GPD2: variants seen among roughly 807,000 people sequenced by gnomAD.
The protein encoded by GPD2 is glycerol-3-phosphate dehydrogenase 2, also known as glycerol-3-phosphate dehydrogenase, mitochondrial.
GPD2 carries 54 observed loss-of-function variants against 82.4 expected under a neutral mutation model. That is an observed-to-expected ratio of 0.66 (90% CI 0.53 to 0.82). The LOEUF is 0.82. Ranked by LOEUF, GPD2 falls within the 40% of genes least tolerant of loss-of-function variation. The pLI is 0.00. For synonymous variants in GPD2, 288 were observed against 306.1 expected (o/e 0.94, Z 0.62); for missense variants, 748 against 896.2 (o/e 0.83, Z 2.11).
At chr2:156,454,474 A>G (rs888032607) in intron 1 of GPD2, among the ~76,000 whole-genome samples, 1 of 145,308 alleles carries the variant, frequency 6.9e-6, no homozygotes, top group Non-Finnish European at 1.5e-5. Context: ...AGGGCAACAT[A>G]GTGAGACCCT....
At chr2:156,556,615 G>A (rs1466298081) in intron 8 of GPD2, among the ~76,000 whole-genome samples, 2 of 152,132 alleles carry the variant, frequency 1.3e-5, no homozygotes, top group Non-Finnish European at 2.9e-5. Context: ...TAGTCTTTCA[G>A]TAGAGGCAGC....
At chr2:156,534,474 T>G (rs559705684) in intron 6 of GPD2, among the ~76,000 whole-genome samples, 1 of 152,230 alleles carries the variant, frequency 6.6e-6, no homozygotes, top group Non-Finnish European at 1.5e-5. Flanking sequence ...TGCCTTCTTC[T>G]ACCCAGTATT....
intron 2 of GPD2, among the ~76,000 whole-genome samples, chr2:156,485,645 G>C (rs1396644592): frequency 2.0e-5 from 3 of 152,154 alleles, no homozygotes; most frequent in Non-Finnish European, 2.9e-5. Context: ...ACGTTTATTT[G>C]TTGCTCACAT....
At chr2:156,513,616 A>G (rs1417166770) in intron 6 of GPD2, 120 bp downstream of exon 6, 10 of 786,046 alleles carry the variant, frequency 1.3e-5, no homozygotes, top group Non-Finnish European at 2.2e-5. Flanking sequence ...ACAACACACA[A>G]ACACACGTGC....
At chr2:156,404,233 A>G in the GPD2 span, among the ~76,000 whole-genome samples, 1 of 151,966 alleles carries the variant, frequency 6.6e-6, no homozygotes, top group Non-Finnish European at 1.5e-5. Context: ...ATTAAAAAAA[A>G]ATTACCCAGG....
At chr2:156,476,866 C>T (rs574994984) in intron 2 of GPD2, among the ~76,000 whole-genome samples, 2 of 152,108 alleles carry the variant, frequency 1.3e-5, no homozygotes, top group African/African-American at 2.4e-5. Context: ...TGGCAACCAC[C>T]GTAGTAGTTA....
intron 1 of GPD2, among the ~76,000 whole-genome samples, chr2:156,459,758 A>C (rs569383709): frequency 6.7e-6 from 1 of 149,204 alleles, no homozygotes; most frequent in East Asian, 2.0e-4. Flanking sequence ...ACGTAAGGAC[A>C]TTGAAGTCCA....
intron 7 of GPD2, among the ~76,000 whole-genome samples, chr2:156,550,359 C>T (rs1455870388): frequency 2.6e-5 from 4 of 152,140 alleles, no homozygotes; most frequent in Admixed American, 2.6e-4. Context: ...CTTATAAGAT[C>T]GACAGAATCC....
chr2:156,431,320 G>A (rs1390499821), upstream of GPD2, among the ~76,000 whole-genome samples: 1 of 152,152 alleles, frequency 6.6e-6, no homozygotes. Flanking sequence ...ATTACTTCAT[G>A]TTTTAAAATT....
chr2:156,476,194 A>G lies in GPD2; in HGVS notation c.89A>G (p.Tyr30Cys). Residue 30 changes from tyrosine to cysteine, a missense_variant, in exon 2 of 17, where the codon TAC (tyrosine) becomes TGC (cysteine). Transcript: ENST00000438166. ...TVLGLSQFAH[Y>C]RRKQMNLAYV... Reference sequence around the variant, plus strand: ...TTAGGACTTTCTCAGTTTGCTCATTACAGAAGGAAACAAGTAAGTAACTGT... The same window carrying G: ...TTAGGACTTTCTCAGTTTGCTCATTGCAGAAGGAAACAAGTAAGTAACTGT... 1 of 1,567,476 alleles carries G rather than the reference A, an allele frequency of 6.4e-7. No homozygotes were observed. Among genetic ancestry groups the G allele is most frequent in the Non-Finnish European group, 8.8e-7 (1 of 1,137,550 alleles).
At chr2:156,551,688 G>A (rs547296295) in intron 8 of GPD2, among the ~76,000 whole-genome samples, 41 of 152,022 alleles carry the variant, frequency 2.7e-4, no homozygotes, top group Non-Finnish European at 4.6e-4. Context: ...ACCACACAAG[G>A]GCATATTATA....
At position 156,569,458 on chromosome 2, in the gene GPD2, G is replaced by T; in HGVS notation, c.1396G>T (p.Gly466Trp). ...NLKAGPSRTV[G>W]LFLQGGKDWS... ...AAAAGCAGGACCAAGTAGAACAGTT[G>T]GGCTTTTCCTTCAAGGGGGTAAAGA... The change falls in exon 11 of 17, where the codon GGG becomes TGG. Residue 466 changes from glycine to tryptophan, a missense_variant. Coordinates refer to ENST00000438166, the MANE Select transcript of GPD2 (RefSeq NM_000408.5). 3 of 1,611,588 alleles carry T rather than the reference G, an allele frequency of 1.9e-6. 1 individual carries two copies. The highest frequency in any genetic ancestry group is 3.3e-4 in the Middle Eastern group (2 of 6,052).
chr2:156,417,242 T>A, the GPD2 span, among the ~76,000 whole-genome samples: 1 of 152,186 alleles, frequency 6.6e-6, no homozygotes, highest in Non-Finnish European at 1.5e-5. Flanking sequence ...TTTGATCAAT[T>A]TTATTCAGAA....
At chr2:156,509,449 C>T (rs3769347) in intron 3 of GPD2, among the ~76,000 whole-genome samples, 3 of 152,314 alleles carry the variant, frequency 2.0e-5, no homozygotes, top group East Asian at 1.9e-4. Flanking sequence ...GCTCTAGTTA[C>T]GTATTCTCAT....
rs564705667 is a variant in GPD2, at chr2:156,560,295, A to C, written c.1165+2713A>C. Among the ~76,000 whole-genome samples, 210 of 82,822 alleles carry C rather than the reference A, an allele frequency of 2.5e-3. 4 individuals carry two copies. Among genetic ancestry groups the C allele is most frequent in the Middle Eastern group, 0.01 (1 of 100 alleles). 54.3% of individuals were successfully genotyped at this position (82,822 alleles called of 152,430 possible). Reference sequence around the variant, plus strand: ...CCTATAAATACATGGAAGACTTGGCATACCTGGTTGGTCCATAAAAGTCTT... The same window carrying C: ...CCTATAAATACATGGAAGACTTGGCCTACCTGGTTGGTCCATAAAAGTCTT... On this transcript the variant is annotated intron_variant, in intron 9 of 16. Coordinates refer to ENST00000438166, the MANE Select transcript of GPD2 (RefSeq NM_000408.5).
chr2:156,449,854 T>TAAAAAAAAAAAA (rs1682490856), intron 1 of GPD2, among the ~76,000 whole-genome samples: 1 of 5,424 alleles, frequency 1.8e-4, no homozygotes, highest in African/African-American at 2.1e-4. Flanking sequence ...CTACTAAATA[T>TAAAAAAAAAAAA]ACAAAAAAAA....
chr2:156,513,311 T>G (rs752789196), intron 5 of GPD2, 22 bp from the exon 6 acceptor site: 52 of 1,563,466 alleles, frequency 3.3e-5, no homozygotes, highest in Non-Finnish European at 4.5e-5. Flanking sequence ...CTGAAGAACT[T>G]TCCCCCCTAT....
At chr2:156,475,451 C>T (rs1292338252) in intron 1 of GPD2, among the ~76,000 whole-genome samples, 1 of 152,124 alleles carries the variant, frequency 6.6e-6, no homozygotes, top group Non-Finnish European at 1.5e-5. Flanking sequence ...GCCTCAGCCT[C>T]CCGAGTAGCT....
rs538850869 is a variant in GPD2, at chr2:156,555,982, G to C, written c.972-1407G>C. ...ATGGCAAGCGTTTCATGCGGCTGAG[G>C]GTTTTTTGAAGAGAAAGACTCACTC... On this transcript the variant is annotated intron_variant, in intron 8 of 16. Transcript: ENST00000438166. Among the ~76,000 whole-genome samples the C allele has an allele frequency of 1.2e-4, 18 of 152,122 alleles. No homozygotes were observed. In the East Asian group the frequency reaches 3.5e-3, roughly 29 times the overall value.
Sources: allele counts gnomAD v4.1 joint callset (sites outside exome capture counted in the v4.1 genomes callset), GRCh38; gene constraint gnomAD v4.1.1; transcripts MANE v1.5; gene names NCBI Gene and HGNC (gene_info 2026-07-23, HGNC 2026-07-21).